The following GNB5 variants were observed in gnomAD, a reference collection of about 807,000 sequenced individuals.
GNB5 encodes guanine nucleotide-binding protein subunit beta-5.
Under a neutral mutation model 55.3 loss-of-function variants are expected in GNB5, and 37 were observed. The ratio of observed to expected loss-of-function variants is 0.67; its 90% CI spans 0.51 to 0.88. The LOEUF is 0.88. GNB5 is among the 40% of genes least tolerant of loss of function. GNB5 has a pLI of 0.00. For synonymous variants in GNB5, 219 were observed against 198.5 expected, an observed-to-expected ratio of 1.10 and a Z score of -0.87; for missense variants, 476 against 515.3, an observed-to-expected ratio of 0.92 and a Z score of 0.74.
rs546173747 is a variant in GNB5 at position 52,184,957 on chromosome 15, G to C, written c.-18-263C>G. Reference sequence around the variant, plus strand: ...TTTGGCAGCTGGCAGACCTGCGTCAGGCAGGATTGATCCTTGCAGCACAAT... The same window carrying C: ...TTTGGCAGCTGGCAGACCTGCGTCACGCAGGATTGATCCTTGCAGCACAAT... On this transcript the variant is annotated intron_variant, in intron 1 of 12. Coordinates refer to ENST00000261837, the MANE Select transcript of GNB5 (RefSeq NM_016194.4). 1.2e-4 allele frequency among the ~76,000 whole-genome samples: 18 copies of C among 152,372 alleles called. No individual in the cohort carries two copies. The East Asian group carries it at 3.5e-3, about 29-fold the overall frequency.
At chr15:52,148,005 T>TAA (rs921690179) in intron 5 of GNB5, among the ~76,000 whole-genome samples, 1 of 151,764 alleles carries the variant, frequency 6.6e-6, no homozygotes, top group African/African-American at 2.4e-5. Context: ...AGGGGACTCT[T>TAA]ATAATCAACT....
rs1010338838 is a variant in GNB5, at chr15:52,119,671, T to C, written c.*3086A>G. Reference sequence around the variant, plus strand: ...TTACATATTTTAGTCCCATCCCATGTTACAAATGGGGAAACTGAGGCTGAG... The same window carrying C: ...TTACATATTTTAGTCCCATCCCATGCTACAAATGGGGAAACTGAGGCTGAG... On this transcript the variant is annotated 3_prime_UTR_variant, in exon 13 of 13. Transcript: ENST00000261837. The C allele has an allele frequency of 6.6e-5, 10 of 152,052 alleles. No homozygotes were observed. The highest frequency in any genetic ancestry group is 2.4e-4 in the African/African-American group (10 of 41,360). 9.4% of individuals were successfully genotyped at this position (152,052 alleles called of 1,614,324 possible).
chr15:52,163,701 C>T (rs1032503140), intron 3 of GNB5, among the ~76,000 whole-genome samples: 1 of 152,236 alleles, frequency 6.6e-6, no homozygotes, highest in African/African-American at 2.4e-5. Context: ...TTTCCCCCAG[C>T]ACAGCGTATC....
intron 3 of GNB5, among the ~76,000 whole-genome samples, chr15:52,165,798 T>A (rs1393473545): frequency 2.0e-5 from 3 of 151,784 alleles, no homozygotes; most frequent in Non-Finnish European, 2.9e-5. Context: ...GTCTGCAAAA[T>A]AACTAGCTAG....
chr15:52,147,829 C>A lies in GNB5; in HGVS notation c.418-294G>T, dbSNP rs533204386. ...AACTCCTGACTTCAAGTGATCTGCTCACCGTGGCCTCCCAAAGTGCTGGGA... is the reference window on the plus strand; with the variant it reads ...AACTCCTGACTTCAAGTGATCTGCTAACCGTGGCCTCCCAAAGTGCTGGGA... On this transcript the variant is annotated intron_variant, in intron 5 of 12. Coordinates refer to ENST00000261837, the MANE Select transcript of GNB5 (RefSeq NM_016194.4). Among the ~76,000 whole-genome samples the A allele has an allele frequency of 3.9e-5, 6 of 152,326 alleles. No homozygotes were observed. In the East Asian group the frequency reaches 1.2e-3, roughly 29 times the overall value.
chr15:52,152,462 T>C (rs2034118383), intron 4 of GNB5, among the ~76,000 whole-genome samples: 1 of 151,882 alleles, frequency 6.6e-6, no homozygotes, highest in South Asian at 2.1e-4. Flanking sequence ...TAGCTGGGAT[T>C]ACAGGCTCCC....
rs1339615968 is a variant in GNB5 at position 52,120,191 on chromosome 15, T to C, written c.*2566A>G. ...CATCTGTTTGGCCCCTTCACCACAA[T>C]TGGTTTGGTAGGTTTATCCCCAAGT... On this transcript the variant is annotated 3_prime_UTR_variant, in exon 13 of 13. Transcript: ENST00000261837. 6.6e-6 allele frequency: 1 copy of C among 152,172 alleles called. No individual in the cohort carries two copies. The highest frequency in any genetic ancestry group is 1.5e-5 in the Non-Finnish European group (1 of 68,020). The allele number at this position is 152,172 out of a possible 1,614,324, so 9.4% of individuals were successfully genotyped here. A position where few individuals can be genotyped will look rare whatever the true frequency, so the allele number is the denominator to read the frequency against.
At chr15:52,128,703 G>C in intron 9 of GNB5, 1 of 462,294 alleles carries the variant, frequency 2.2e-6, no homozygotes, top group South Asian at 1.5e-5. Context: ...CATCTGAAAA[G>C]TGAGAGTAAT....
At chr15:52,157,607 T>A (rs2034241965) in intron 3 of GNB5, among the ~76,000 whole-genome samples, 1 of 152,186 alleles carries the variant, frequency 6.6e-6, no homozygotes, top group African/African-American at 2.4e-5. Flanking sequence ...TTTAGTATTT[T>A]ACTTAGAAAT....
intron 3 of GNB5, among the ~76,000 whole-genome samples, chr15:52,173,525 C>A (rs1463828771): frequency 6.6e-6 from 1 of 152,184 alleles, no homozygotes; most frequent in Non-Finnish European, 1.5e-5. Context: ...CAAGAACAAG[C>A]TTGATGGTCT....
At chr15:52,151,165 T>TG in intron 4 of GNB5, among the ~76,000 whole-genome samples, 1 of 152,252 alleles carries the variant, frequency 6.6e-6, no homozygotes, top group African/African-American at 2.4e-5. Flanking sequence ...ACACAGTGTG[T>TG]GGGGTGGATT....
chr15:52,184,987 A>G (rs1212886853), intron 1 of GNB5, among the ~76,000 whole-genome samples: 2 of 152,236 alleles, frequency 1.3e-5, no homozygotes. Context: ...CACAATATCA[A>G]TTCTGTGGGG....
chr15:52,190,019 C>G (rs1454180327), intron 1 of GNB5, among the ~76,000 whole-genome samples: 1 of 151,696 alleles, frequency 6.6e-6, no homozygotes, highest in East Asian at 1.9e-4. Context: ...GCAATGGTTG[C>G]AAATCCTTGT....
intron 3 of GNB5, among the ~76,000 whole-genome samples, chr15:52,159,516 G>A (rs982739031): frequency 6.6e-5 from 10 of 152,166 alleles, no homozygotes; most frequent in African/African-American, 2.4e-4. Flanking sequence ...TGGCCTCCCT[G>A]CTCAGTTGGG....
intron 3 of GNB5, among the ~76,000 whole-genome samples, chr15:52,167,532 G>C (rs960125541): frequency 2.0e-5 from 3 of 152,000 alleles, no homozygotes; most frequent in Admixed American, 6.6e-5. Context: ...TTAGCCGGGC[G>C]TGGTGGCAGG....
chr15:52,139,897 G>A, intron 7 of GNB5: 2 of 1,286,768 alleles, frequency 1.6e-6, no homozygotes, highest in Non-Finnish European at 1.0e-6. Context: ...GGCTTCAGAT[G>A]CCTGATGGTC....
intron 9 of GNB5, among the ~76,000 whole-genome samples, chr15:52,131,098 T>G (rs997403773): frequency 9.9e-5 from 15 of 152,252 alleles, no homozygotes; most frequent in African/African-American, 3.4e-4. Context: ...AGTGCTGGGA[T>G]TACAGGCGTG....
rs1348288100 is a variant in GNB5 at position 52,117,067 on chromosome 15, GCACCTGCCAC to G, written c.*5680_*5689del. 2.0e-4 allele frequency: 27 copies of G among 134,168 alleles called. No individual in the cohort carries two copies. Among genetic ancestry groups the G allele is most frequent in the African/African-American group, 7.5e-4 (27 of 35,794 alleles). The allele number at this position is 134,168 out of a possible 1,614,324, so 8.3% of individuals were successfully genotyped here. A position where few individuals can be genotyped will look rare whatever the true frequency, so the allele number is the denominator to read the frequency against. On this transcript the variant is annotated 3_prime_UTR_variant, in exon 13 of 13. Coordinates refer to ENST00000261837, the MANE Select transcript of GNB5 (RefSeq NM_016194.4). ...GCCTCCCGAGCAGCTGGGACTACAG[GCACCTGCCAC>G]CACGCCCAGCTAATATATATATATA...
At chr15:52,166,248 C>CT (rs2034448589) in intron 3 of GNB5, among the ~76,000 whole-genome samples, 1 of 152,166 alleles carries the variant, frequency 6.6e-6, no homozygotes, top group Non-Finnish European at 1.5e-5. Flanking sequence ...TAGTGGGAGA[C>CT]TTTAACACCC....
Sources: gnomAD v4.1 joint callset for allele counts (sites outside exome capture counted in the v4.1 genomes callset) on GRCh38, gnomAD v4.1.1 for gene constraint, MANE v1.5 for transcripts, NCBI Gene and HGNC (gene_info 2026-07-23, HGNC 2026-07-21) for gene names.